Variants in KDM5B observed in about 807,000 individuals in gnomAD.
KDM5B encodes lysine demethylase 5B, also known as lysine-specific demethylase 5B.
Under a neutral mutation model 193.4 loss-of-function variants are expected in KDM5B, and 144 were observed. The observed-to-expected ratio is 0.74, with a 90% CI of 0.65 to 0.86. The LOEUF is 0.86. Among genes scored for constraint, KDM5B ranks in the 40% least tolerant of loss-of-function variants. The pLI, the probability that KDM5B is intolerant of heterozygous loss-of-function variation, is 0.00. For synonymous variants in KDM5B, 668 were observed against 682.6 expected, an observed-to-expected ratio of 0.98 and a Z score of 0.33; for missense variants, 1,833 against 1,886.9, an observed-to-expected ratio of 0.97 and a Z score of 0.53.
rs1486368310 is a variant in KDM5B at position 202,803,945 on chromosome 1, AG to A, written c.204+4156del. 3.9e-5 allele frequency among the ~76,000 whole-genome samples: 4 copies of A among 102,606 alleles called. No individual in the cohort carries two copies. The South Asian group carries it at 1.1e-3, about 29-fold the overall frequency. The allele number at this position is 102,606 out of a possible 152,430, so 67.3% of individuals were successfully genotyped here. On this transcript the variant is annotated intron_variant, in intron 1 of 26. Coordinates refer to ENST00000367265, the MANE Select transcript of KDM5B (RefSeq NM_006618.5). ...TTAAAAGGTAGTTAGGGGTCGGGGG[AG>A]GGGGGAGGGAAAGCATTAGGAGATA...
intron 11 of KDM5B, among the ~76,000 whole-genome samples, chr1:202,754,178 T>G (rs1655916407): frequency 6.6e-6 from 1 of 152,190 alleles, no homozygotes. Flanking sequence ...ATCAAACAAT[T>G]TATCTGTATC....
At chr1:202,737,773 A>G (rs1655150764) in intron 20 of KDM5B, among the ~76,000 whole-genome samples, 1 of 152,188 alleles carries the variant, frequency 6.6e-6, no homozygotes, top group Admixed American at 6.5e-5. Context: ...TGGGGTGGGG[A>G]GGAAAACGCT....
chr1:202,777,367 AAAAAC>A (rs1220081149), intron 1 of KDM5B, among the ~76,000 whole-genome samples: 1 of 152,052 alleles, frequency 6.6e-6, no homozygotes, highest in African/African-American at 2.4e-5. Context: ...AAAAAAAAAA[AAAAAC>A]ACTCATTTAG....
chr1:202,788,584 G>A (rs1174936429), intron 1 of KDM5B, among the ~76,000 whole-genome samples: 2 of 152,036 alleles, frequency 1.3e-5, no homozygotes, highest in African/African-American at 2.4e-5. Flanking sequence ...ATTGGTATTG[G>A]TATTGGTATT....
chr1:202,766,850 G>A (rs1656483959), intron 5 of KDM5B, 76 bp downstream of exon 5: 1 of 1,450,980 alleles, frequency 6.9e-7, no homozygotes, highest in Non-Finnish European at 9.2e-7. Flanking sequence ...ACACACATGA[G>A]AGAAATCCAG....
At chr1:202,732,042 GAA>G (rs756754712) in intron 23 of KDM5B, 103 bp from the exon 24 acceptor site, 1,887 of 375,132 alleles carry the variant, frequency 5.0e-3, no homozygotes, top group East Asian at 0.013. Flanking sequence ...GCAACCAGGG[GAA>G]AAAAAAAAAA....
chr1:202,742,802 A>G lies in KDM5B; in HGVS notation c.2327T>C (p.Leu776Pro), dbSNP rs1308383426. ...TTCAATTAAAGCCTTGAAGCTGACAAGGCCTAGGAATGAAGAAAAAAGTCA... is the reference window on the plus strand; with the variant it reads ...TTCAATTAAAGCCTTGAAGCTGACAGGGCCTAGGAATGAAGAAAAAAGTCA... ...LEAKINKKKS[L>P]VSFKALIEES... Residue 776 changes from leucine (L) to proline (P), a missense_variant, in exon 17 of 27, where the codon CTT becomes CCT. Physicochemically the swap from Leu to Pro is moderately conservative, Grantham distance 98. This residue lies in a region of KDM5B where 1,379 missense variants were observed against 1,349.6 expected (regional missense o/e 1.02). Coordinates refer to ENST00000367265, the MANE Select transcript of KDM5B (RefSeq NM_006618.5). The G allele has an allele frequency of 1.9e-6, 3 of 1,611,870 alleles. No individual in the cohort carries two copies. Among genetic ancestry groups the G allele is most frequent in the Non-Finnish European group, 2.5e-6 (3 of 1,179,278 alleles).
chr1:202,806,564 C>T (rs1658301385), intron 1 of KDM5B: 1 of 152,168 alleles, frequency 6.6e-6, no homozygotes, highest in Non-Finnish European at 1.5e-5. Flanking sequence ...CCCTCATATT[C>T]GCTGGCCAGT....
intron 1 of KDM5B, among the ~76,000 whole-genome samples, chr1:202,803,311 T>TG (rs1322717852): frequency 6.6e-6 from 1 of 152,070 alleles, no homozygotes; most frequent in Non-Finnish European, 1.5e-5. Flanking sequence ...ATTTTTCCAG[T>TG]GGGGGTGGGG....
chr1:202,804,764 CT>C (rs1189076594), intron 1 of KDM5B, among the ~76,000 whole-genome samples: 1 of 150,820 alleles, frequency 6.6e-6, no homozygotes, highest in African/African-American at 2.4e-5. Context: ...AATCCCAGCA[CT>C]TTGGGAGGCC....
At chr1:202,771,958 T>C (rs1401583218) in intron 4 of KDM5B, among the ~76,000 whole-genome samples, 1 of 152,146 alleles carries the variant, frequency 6.6e-6, no homozygotes, top group Non-Finnish European at 1.5e-5. Context: ...AAGTTTTGAA[T>C]GTCAGATTGG....
In KDM5B at chr1:202,727,825, C is replaced by T. The variant is rs1240416118; in HGVS notation, c.*1211G>A. 1 of 152,652 alleles carries T rather than the reference C, an allele frequency of 6.6e-6. No individual in the cohort carries two copies. 9.5% of individuals were successfully genotyped at this position (152,652 alleles called of 1,614,324 possible). On this transcript the variant is annotated 3_prime_UTR_variant, in exon 27 of 27. Transcript: ENST00000367265. Reference sequence around the variant, plus strand: ...TTTTCCTTAGATTTCCTTCCAACGTCTTAACCCTAAACCAAGTTCCCCTGT... The same window carrying T: ...TTTTCCTTAGATTTCCTTCCAACGTTTTAACCCTAAACCAAGTTCCCCTGT...
chr1:202,781,575 A>G (rs984396782), intron 1 of KDM5B, among the ~76,000 whole-genome samples: 3 of 152,226 alleles, frequency 2.0e-5, no homozygotes, highest in Non-Finnish European at 4.4e-5. Flanking sequence ...CTCAATAACT[A>G]AAAGCCAAAG....
Position 202,741,466 on chromosome 1 carries a change from GCCAGCCCTACCC to G in KDM5B, c.2834_2845del (p.Gly945_Leu948del). 1 of 1,613,998 alleles carries G rather than the reference GCCAGCCCTACCC, an allele frequency of 6.2e-7. No homozygotes were observed. ...AGCTTTCTCCACTGCTGAATACGGG[GCCAGCCCTACCC>G]CTAGGTCTATGAGACGTCTCATATC... is the stretch of plus-strand genomic sequence containing the variant. On this transcript the variant is annotated inframe_deletion, in exon 19 of 27. Coordinates refer to ENST00000367265, the MANE Select transcript of KDM5B (RefSeq NM_006618.5).
chr1:202,771,564 T>C (rs114475484), intron 4 of KDM5B, among the ~76,000 whole-genome samples: 4,093 of 150,576 alleles, frequency 0.027, 89 homozygotes, highest in Non-Finnish European at 0.04. Context: ...CTATTTTTTA[T>C]TTTTTTAAGT....
intron 8 of KDM5B, among the ~76,000 whole-genome samples, chr1:202,759,812 G>GT (rs1558497209): frequency 6.6e-6 from 1 of 152,116 alleles, no homozygotes; most frequent in Non-Finnish European, 1.5e-5. Flanking sequence ...TACTTTTTAA[G>GT]TTGTTCAATG....
chr1:202,729,534 G>A (rs1485450762), intron 26 of KDM5B, 173 bp downstream of exon 26: 2 of 621,620 alleles, frequency 3.2e-6, no homozygotes, highest in Non-Finnish European at 5.6e-6. Flanking sequence ...AAAGGGAGGA[G>A]ACCCAGGAAC....
intron 6 of KDM5B, 23 bp downstream of exon 6, chr1:202,764,026 T>A (rs1404961834): frequency 8.2e-7 from 1 of 1,214,240 alleles, no homozygotes; most frequent in Admixed American, 2.0e-5. Context: ...TTTTCTTTCC[T>A]ATTCATTGAC....
intron 20 of KDM5B, among the ~76,000 whole-genome samples, chr1:202,737,918 T>G (rs1017449525): frequency 4.6e-5 from 7 of 152,262 alleles, no homozygotes; most frequent in African/African-American, 1.7e-4. Flanking sequence ...GCCTTTGATA[T>G]TTATTCTTAC....
Sources: gnomAD v4.1 joint callset for allele counts (sites outside exome capture counted in the v4.1 genomes callset) on GRCh38, gnomAD v4.1.1 for gene constraint, gnomAD v4.1.1 regional missense constraint, MANE v1.5 for transcripts, NCBI Gene and HGNC (gene_info 2026-07-23, HGNC 2026-07-21) for gene names.